TSGA10: variants seen among roughly 807,000 people sequenced by gnomAD.
TSGA10 encodes testis-specific gene 10 protein.
A neutral mutation model predicts 96.6 loss-of-function variants in TSGA10; 43 were observed. The ratio of observed to expected loss-of-function variants is 0.44; its 90% CI spans 0.35 to 0.57. TSGA10 has a LOEUF of 0.57. Among genes scored for constraint, TSGA10 ranks in the 20% least tolerant of loss-of-function variants. The probability of loss-of-function intolerance (pLI) is 0.01; values close to 1 mark genes in which losing one functional copy is unlikely to be tolerated. For missense variants in TSGA10, 703 were observed against 834.4 expected, an observed-to-expected ratio of 0.84 and a Z score of 1.94; for synonymous variants, 229 against 269.9, an observed-to-expected ratio of 0.85 and a Z score of 1.48.
At chr2:99,148,721 T>G (rs2093657264) in intron 1 of TSGA10, among the ~76,000 whole-genome samples, 1 of 152,180 alleles carries the variant, frequency 6.6e-6, no homozygotes, top group South Asian at 2.1e-4. Flanking sequence ...CTTGTAATCC[T>G]AGCACTTTGG....
At chr2:99,100,270 T>C (rs566225056) in intron 10 of TSGA10, among the ~76,000 whole-genome samples, 7 of 152,338 alleles carry the variant, frequency 4.6e-5, no homozygotes, top group South Asian at 4.1e-4. Flanking sequence ...TTTGTTCTTA[T>C]AGGTTTAACA....
At chr2:99,008,299 C>G (rs1388574993) in intron 20 of TSGA10, among the ~76,000 whole-genome samples, 1 of 151,852 alleles carries the variant, frequency 6.6e-6, no homozygotes, top group Non-Finnish European at 1.5e-5. Context: ...GCATATATCA[C>G]CAATAAAGAG....
At chr2:99,146,871 C>T (rs1284207634) in intron 1 of TSGA10, among the ~76,000 whole-genome samples, 2 of 152,214 alleles carry the variant, frequency 1.3e-5, no homozygotes, top group African/African-American at 4.8e-5. Flanking sequence ...TCGTGATCCG[C>T]CCACCTCAGC....
chr2:99,132,980 T>C (rs1574645699), intron 1 of TSGA10, among the ~76,000 whole-genome samples: 1 of 152,348 alleles, frequency 6.6e-6, no homozygotes, highest in East Asian at 1.9e-4. Flanking sequence ...TCCATTCTTT[T>C]GCATTTGCTG....
intron 20 of TSGA10, among the ~76,000 whole-genome samples, chr2:99,001,211 C>T (rs111987295): frequency 1.2e-4 from 19 of 152,296 alleles, no homozygotes; most frequent in African/African-American, 3.8e-4. Context: ...AACTCAGGGA[C>T]ACCTCCCAGT....
chr2:99,093,315 C>T (rs1159493344), intron 10 of TSGA10, among the ~76,000 whole-genome samples: 2 of 152,078 alleles, frequency 1.3e-5, no homozygotes, highest in African/African-American at 4.8e-5. Context: ...CAGGGAAACA[C>T]TGAAAGCACT....
At chr2:99,118,744 TA>T in intron 2 of TSGA10, 58 bp from the exon 3 acceptor site, 1 of 892,010 alleles carries the variant, frequency 1.1e-6, no homozygotes, top group Non-Finnish European at 1.3e-6. Flanking sequence ...GGAACTATAT[TA>T]AATTCCAAAA....
At chr2:99,125,813 T>C (rs1396615320) in intron 2 of TSGA10, 1 of 152,240 alleles carries the variant, frequency 6.6e-6, no homozygotes, top group African/African-American at 2.4e-5. Context: ...ACTAGGCCTC[T>C]GCCATTACCA....
Position 99,109,451 on chromosome 2 carries a change from G to A in TSGA10, c.-12C>T. On this transcript the variant is annotated 5_prime_UTR_variant, in exon 6 of 21. Transcript: ENST00000393483. Reference sequence around the variant, plus strand: ...CTACTTCGCATCATCTTTCTCAAATGTTGAGCTTCACTCTTATAGTGATCT... The same window carrying A: ...CTACTTCGCATCATCTTTCTCAAATATTGAGCTTCACTCTTATAGTGATCT... 3 of 1,613,812 alleles carry A rather than the reference G, an allele frequency of 1.9e-6. No homozygotes were observed. Among genetic ancestry groups the A allele is most frequent in the Non-Finnish European group, 2.5e-6 (3 of 1,179,794 alleles).
intron 17 of TSGA10, among the ~76,000 whole-genome samples, chr2:99,031,231 G>A (rs528349963): frequency 7.0e-6 from 1 of 142,240 alleles, no homozygotes; most frequent in East Asian, 2.1e-4. Context: ...CAATTCAATG[G>A]CAGAAAGATA....
Position 99,103,952 on chromosome 2 carries a change from G to A in TSGA10, c.611+15C>T. 1.2e-6 allele frequency: 2 copies of A among 1,612,916 alleles called. No homozygotes were observed. Among genetic ancestry groups the A allele is most frequent in the Non-Finnish European group, 1.7e-6 (2 of 1,179,528 alleles). ...TATAGTAAACTGTTGGTTGTTTAAA[G>A]GTGATTTAGTTTACCTCAAAGAATT... On this transcript the variant is annotated intron_variant, in intron 10 of 20. Coordinates refer to ENST00000393483, the MANE Select transcript of TSGA10 (RefSeq NM_025244.4).
chr2:99,109,266 C>G, intron 6 of TSGA10, 123 bp downstream of exon 6: 2 of 1,063,682 alleles, frequency 1.9e-6, no homozygotes, highest in Non-Finnish European at 2.8e-6. Flanking sequence ...TGTCTCTCAA[C>G]CCCTTTGAAA....
intron 4 of TSGA10, among the ~76,000 whole-genome samples, chr2:99,115,904 T>G (rs2092228606): frequency 6.6e-6 from 1 of 152,016 alleles, no homozygotes; most frequent in African/African-American, 2.4e-5. Context: ...GTTCTATTAT[T>G]TGACTTTCCA....
intron 1 of TSGA10, chr2:99,151,371 G>A (rs1284114285): frequency 1.3e-5 from 2 of 148,936 alleles, no homozygotes; most frequent in Non-Finnish European, 2.9e-5. Context: ...GCTGAGGAAG[G>A]AGAATCGCTT....
chr2:99,007,956 A>T (rs1447181959), intron 20 of TSGA10, among the ~76,000 whole-genome samples: 2 of 152,226 alleles, frequency 1.3e-5, no homozygotes, highest in African/African-American at 4.8e-5. Flanking sequence ...GATCTGAATG[A>T]CTGGGACAAA....
intron 12 of TSGA10, among the ~76,000 whole-genome samples, chr2:99,077,601 G>A (rs887808562): frequency 4.0e-5 from 6 of 151,592 alleles, no homozygotes; most frequent in African/African-American, 9.7e-5. Flanking sequence ...TCGCACTGTC[G>A]CCCAGGCTGG....
intron 16 of TSGA10, among the ~76,000 whole-genome samples, chr2:99,043,311 A>T (rs914298272): frequency 5.3e-5 from 8 of 152,148 alleles, no homozygotes; most frequent in Admixed American, 3.9e-4. Context: ...TAATGAATTT[A>T]AAAAAGATTG....
intron 17 of TSGA10, among the ~76,000 whole-genome samples, chr2:99,024,262 G>A (rs760785988): frequency 5.9e-4 from 89 of 151,730 alleles, no homozygotes; most frequent in Non-Finnish European, 1.0e-3. Context: ...GCTAATTTTT[G>A]TATTTTTAGT....
intron 17 of TSGA10, among the ~76,000 whole-genome samples, chr2:99,023,402 GTTTT>G (rs199829509): frequency 1.4e-5 from 2 of 146,946 alleles, no homozygotes; most frequent in East Asian, 2.0e-4. Context: ...AGCACAGAAG[GTTTT>G]TTTTTTTATT....
Sources: gnomAD v4.1 joint callset for allele counts (sites outside exome capture counted in the v4.1 genomes callset) on GRCh38, gnomAD v4.1.1 for gene constraint, MANE v1.5 for transcripts, NCBI Gene and HGNC (gene_info 2026-07-23, HGNC 2026-07-21) for gene names.